The following PAX8 variants were observed in gnomAD, a reference collection of about 807,000 sequenced individuals.
The protein encoded by PAX8 is paired box 8.
In PAX8, 15 loss-of-function variants were observed where a neutral mutation model predicts 52.4. The ratio of observed to expected loss-of-function variants is 0.29; its 90% CI spans 0.19 to 0.44. PAX8 has a LOEUF of 0.44. Among genes scored for constraint, PAX8 ranks in the 20% least tolerant of loss-of-function variants. The pLI, the probability that PAX8 is intolerant of heterozygous loss-of-function variation, is 1.00. For synonymous variants in PAX8, 284 were observed against 249.7 expected, an observed-to-expected ratio of 1.14 and a Z score of -1.29; for missense variants, 554 against 602.5, an observed-to-expected ratio of 0.92 and a Z score of 0.84.
chr2:113,218,681 C>A, intron 11 of PAX8, 72 bp from the exon 12 acceptor site: 2 of 920,572 alleles, frequency 2.2e-6, no homozygotes, highest in Non-Finnish European at 3.4e-6. Flanking sequence ...GCCTTCCCTG[C>A]ATCTGCTGAC....
chr2:113,235,539 C>T lies in PAX8; in HGVS notation c.942G>A (p.Val314=), dbSNP rs557698642. 3 of 1,613,868 alleles carry T rather than the reference C, an allele frequency of 1.9e-6. No individual in the cohort carries two copies. Among genetic ancestry groups the T allele is most frequent in the Admixed American group, 3.3e-5 (2 of 60,004 alleles). The change falls in exon 9 of 12, where the codon GTG becomes GTA. Residue 314 remains valine (V), a synonymous_variant. Transcript: ENST00000429538. ...AGGAAGGGGTGGAGCTAGAACTGGACACCTCGGGGGTTTCCTGCTTTATGG... is the reference window on the plus strand; with the variant it reads ...AGGAAGGGGTGGAGCTAGAACTGGATACCTCGGGGGTTTCCTGCTTTATGG... ...PFAIKQETPE[V]SSSSSTPSSL...
intron 6 of PAX8, 30 bp from the exon 7 acceptor site, chr2:113,241,756 T>G (rs1690864225): frequency 6.2e-7 from 1 of 1,610,428 alleles, no homozygotes; most frequent in Non-Finnish European, 8.5e-7. Context: ...AAGAAAGCTT[T>G]TAGGGGACCT....
At chr2:113,261,435 G>T (rs1353068245) in intron 2 of PAX8, among the ~76,000 whole-genome samples, 1 of 152,184 alleles carries the variant, frequency 6.6e-6, no homozygotes, top group East Asian at 1.9e-4. Context: ...AAAACACCAG[G>T]GGTGACACTG....
At chr2:113,241,963 A>G (rs769517328) in intron 6 of PAX8, 45 bp downstream of exon 6, 2 of 1,608,658 alleles carry the variant, frequency 1.2e-6, no homozygotes, top group South Asian at 2.2e-5. Flanking sequence ...GCCTGAGCAA[A>G]CTGCTCTCGT....
At position 113,241,745 on chromosome 2, in the gene PAX8, G is replaced by C. The variant is rs374485800; in HGVS notation, c.602-19C>G. 3.1e-6 allele frequency: 5 copies of C among 1,613,446 alleles called. No individual in the cohort carries two copies. The highest frequency in any genetic ancestry group is 4.2e-6 in the Non-Finnish European group (5 of 1,179,652). On this transcript the variant is annotated intron_variant, in intron 6 of 11. Coordinates refer to ENST00000429538, the MANE Select transcript of PAX8 (RefSeq NM_003466.4). ...TGATCACCTGGTACCCCCCGGGAAG[G>C]AAGAAAGCTTTTAGGGGACCTATCT...
chr2:113,236,373 C>T (rs1473129145), intron 8 of PAX8: 39 of 382,142 alleles, frequency 1.0e-4, no homozygotes, highest in Non-Finnish European at 1.7e-4. Flanking sequence ...GGAGGCGCGA[C>T]CCCTGGGCCC....
chr2:113,223,576 T>C lies in PAX8; in HGVS notation c.1190-3398A>G, dbSNP rs562576319. Among the ~76,000 whole-genome samples, 83 of 152,320 alleles carry C rather than the reference T, an allele frequency of 5.4e-4. 1 individual carries two copies. Among genetic ancestry groups the C allele is most frequent in the African/African-American group, 1.9e-3 (79 of 41,560 alleles). On this transcript the variant is annotated intron_variant, in intron 10 of 11. Coordinates refer to ENST00000429538, the MANE Select transcript of PAX8 (RefSeq NM_003466.4). ...TGCCTTAGGTCCTTTGCCCTTGCTG[T>C]TCTTTGGTCCAGGGATGGTCTGCCC...
chr2:113,258,816 C>T (rs1028923983), intron 2 of PAX8, among the ~76,000 whole-genome samples: 1 of 152,154 alleles, frequency 6.6e-6, no homozygotes, highest in Non-Finnish European at 1.5e-5. Flanking sequence ...GGTTTCAAGG[C>T]CTTTCTCCGC....
chr2:113,266,205 A>C (rs1005941157), intron 2 of PAX8: 2 of 152,232 alleles, frequency 1.3e-5, no homozygotes, highest in African/African-American at 4.8e-5. Context: ...GAAAGACAAA[A>C]GAAATCACGA....
rs541116661 is a variant in PAX8 at position 113,217,856 on chromosome 2, G to C, written c.*677C>G. Reference sequence around the variant, plus strand: ...GCACTGCAGGAGGACCTGGGGTGGTGCTATACCTTCACAGCAGCAGGCAAA... The same window carrying C: ...GCACTGCAGGAGGACCTGGGGTGGTCCTATACCTTCACAGCAGCAGGCAAA... On this transcript the variant is annotated 3_prime_UTR_variant, in exon 12 of 12. Transcript: ENST00000429538. 1 of 233,168 alleles carries C rather than the reference G, an allele frequency of 4.3e-6. No homozygotes were observed. The highest frequency in any genetic ancestry group is 8.5e-6 in the Non-Finnish European group (1 of 118,136). 14.4% of individuals were successfully genotyped at this position (233,168 alleles called of 1,614,324 possible).
intron 2 of PAX8, chr2:113,255,559 T>G (rs1236129240): frequency 1.6e-4 from 24 of 152,420 alleles, no homozygotes; most frequent in Non-Finnish European, 1.5e-5. Flanking sequence ...CGTGAGTGCT[T>G]GCCAGGCTCA....
At chr2:113,270,462 C>T (rs1012746431) in intron 2 of PAX8, 1 of 152,282 alleles carries the variant, frequency 6.6e-6, no homozygotes, top group Non-Finnish European at 1.5e-5. Context: ...CCGGGCTTTG[C>T]CTTCTTCTTC....
intron 9 of PAX8, among the ~76,000 whole-genome samples, chr2:113,230,180 G>A (rs761776829): frequency 6.6e-6 from 1 of 152,204 alleles, no homozygotes; most frequent in Non-Finnish European, 1.5e-5. Context: ...GTGGGAGGTG[G>A]TCTTGACTCT....
chr2:113,226,846 C>T (rs796622885), intron 10 of PAX8: 2 of 1,292,226 alleles, frequency 1.5e-6, no homozygotes, highest in Non-Finnish European at 2.0e-6. Context: ...CTCACTGATT[C>T]ACTGGAAGAA....
In PAX8 at chr2:113,230,270, C is replaced by G. The variant is rs532808387; in HGVS notation, c.1088-3014G>C. Among the ~76,000 whole-genome samples the G allele has an allele frequency of 3.3e-5, 5 of 152,328 alleles. No individual in the cohort carries two copies. In the South Asian group the frequency reaches 1.0e-3, roughly 32 times the overall value. ...TGGCAGCCTGTGGCCCCGCACTCCC[C>G]TTCCCCCTGCCTTCATCCTGTTCCT... is the stretch of plus-strand genomic sequence containing the variant. On this transcript the variant is annotated intron_variant, in intron 9 of 11. Transcript: ENST00000429538.
At chr2:113,237,881 A>C (rs1055339604) in intron 7 of PAX8, 1 of 152,192 alleles carries the variant, frequency 6.6e-6, no homozygotes, top group African/African-American at 2.4e-5. Flanking sequence ...ATTTCCATCG[A>C]GCTGGGTTCT....
intron 7 of PAX8, chr2:113,241,228 G>C (rs1323368128): frequency 4.2e-6 from 2 of 478,222 alleles, no homozygotes; most frequent in Non-Finnish European, 7.7e-6. Context: ...TTGTGCTACT[G>C]CTTCAGAGTT....
In PAX8 at chr2:113,217,581, A is replaced by T. The variant is rs139173609; in HGVS notation, c.*952T>A. Reference sequence around the variant, plus strand: ...AGGAGCTGCTGGGGAGCAGAGAGGGACCCTCTATCGCTGGCTTCAGGGGGT... The same window carrying T: ...AGGAGCTGCTGGGGAGCAGAGAGGGTCCCTCTATCGCTGGCTTCAGGGGGT... On this transcript the variant is annotated 3_prime_UTR_variant, in exon 12 of 12. Coordinates refer to ENST00000429538, the MANE Select transcript of PAX8 (RefSeq NM_003466.4). 1.1e-3 allele frequency: 243 copies of T among 230,722 alleles called. 8 individuals are homozygous for T. Among genetic ancestry groups the T allele is most frequent in the African/African-American group, 5.1e-3 (229 of 45,274 alleles). The allele number at this position is 230,722 out of a possible 1,614,324, so 14.3% of individuals were successfully genotyped here. A position where few individuals can be genotyped will look rare whatever the true frequency, so the allele number is the denominator to read the frequency against.
Position 113,226,602 on chromosome 2 carries a change from C to T in PAX8, c.1189+553G>A, listed in dbSNP as rs554749730. ...TAGTACTCTTAGAGTACCTAGAACC[C>T]GGGTCCTATCCATGCAGGCTTGAGA... On this transcript the variant is annotated intron_variant, in intron 10 of 11. Coordinates refer to ENST00000429538, the MANE Select transcript of PAX8 (RefSeq NM_003466.4). 2.8e-5 allele frequency: 30 copies of T among 1,054,458 alleles called. No homozygotes were observed. The East Asian group carries it at 5.8e-4, about 21-fold the overall frequency. 65.3% of individuals were successfully genotyped at this position (1,054,458 alleles called of 1,614,324 possible).
Sources: allele counts gnomAD v4.1 joint callset (sites outside exome capture counted in the v4.1 genomes callset), GRCh38; gene constraint gnomAD v4.1.1; transcripts MANE v1.5; gene names NCBI Gene and HGNC (gene_info 2026-07-23, HGNC 2026-07-21).